Variants in CYSTM1 observed in about 807,000 individuals in gnomAD.
The protein encoded by CYSTM1 is cysteine rich transmembrane module containing 1.
CYSTM1 carries 4 observed loss-of-function variants against 13.1 expected under a neutral mutation model. The ratio of observed to expected loss-of-function variants is 0.31; its 90% CI spans 0.15 to 0.70. The LOEUF (loss-of-function observed/expected upper bound fraction) is 0.70, where lower values mean the gene tolerates loss of function less well. CYSTM1 is among the 30% of genes least tolerant of loss of function. The pLI is 0.72. For missense variants in CYSTM1, 96 were observed against 121.6 expected, an observed-to-expected ratio of 0.79 and a Z score of 0.99; for synonymous variants, 36 against 42.7, an observed-to-expected ratio of 0.84 and a Z score of 0.62.
In CYSTM1 at chr5:140,194,446, G is replaced by A; in HGVS notation, c.-20G>A. 1 of 1,545,734 alleles carries A rather than the reference G, an allele frequency of 6.5e-7. No individual in the cohort carries two copies. Among genetic ancestry groups the A allele is most frequent in the African/African-American group, 1.4e-5 (1 of 71,294 alleles). ...AATTTTCATTCTTTTTGTCTCTTAG[G>A]TGCACTTTACAGGTCCCCGATGAAC... On this transcript the variant is annotated splice_region_variant and 5_prime_UTR_variant, in exon 2 of 3. It adds an upstream start codon to the 5' untranslated region. Transcript: ENST00000261811.
At chr5:140,180,698 G>A (rs754142306) in intron 1 of CYSTM1, among the ~76,000 whole-genome samples, 1 of 152,076 alleles carries the variant, frequency 6.6e-6, no homozygotes, top group Non-Finnish European at 1.5e-5. Flanking sequence ...AACTGGGTAG[G>A]TCCTCACATC....
In CYSTM1 at chr5:140,175,703, A is replaced by C. The variant is rs550620717; in HGVS notation, c.-21+418A>C. On this transcript the variant is annotated intron_variant, in intron 1 of 2. Transcript: ENST00000261811. This position sits in a 1 kb window ranked among gnomAD's most constrained non-coding sequence, Gnocchi z 4.9. ...CTGAGGCGCTGCTCTGCCTATTCCG[A>C]GCTGGGCCAGCCGGGGGCAGGGGGC... 6.6e-6 allele frequency among the ~76,000 whole-genome samples: 1 copy of C among 151,862 alleles called. No homozygotes were observed. Among genetic ancestry groups the C allele is most frequent in the Non-Finnish European group, 1.5e-5 (1 of 67,984 alleles).
Position 140,239,305 on chromosome 5 carries a change from A to C in CYSTM1, c.188-4000A>C, listed in dbSNP as rs1029398609. Among the ~76,000 whole-genome samples, 1 of 152,078 alleles carries C rather than the reference A, an allele frequency of 6.6e-6. No individual in the cohort carries two copies. Among genetic ancestry groups the C allele is most frequent in the Non-Finnish European group, 1.5e-5 (1 of 68,000 alleles). ...GTCATCCCTGCCCTGACCTCTATGG[A>C]AACTGGAGCCCCACTTGCCCATTGC... On this transcript the variant is annotated intron_variant, in intron 2 of 2. Transcript: ENST00000261811. The surrounding 1 kb of genome is among the most constrained non-coding windows in gnomAD (Gnocchi z 5.4).
chr5:140,235,262 C>T (rs1015505575), intron 2 of CYSTM1, among the ~76,000 whole-genome samples: 6 of 151,928 alleles, frequency 3.9e-5, no homozygotes, highest in Admixed American at 3.9e-4. Flanking sequence ...GCCACCAAGC[C>T]CAGCCAGCCT....
At chr5:140,178,440 C>CATTTTTTT (rs1763917981) in intron 1 of CYSTM1, among the ~76,000 whole-genome samples, 1 of 72,386 alleles carries the variant, frequency 1.4e-5, no homozygotes, top group African/African-American at 6.1e-5. Flanking sequence ...TCAAGTCCTT[C>CATTTTTTT]CTTTTTTTTT....
At chr5:140,226,055 G>A (rs1338950310) in intron 2 of CYSTM1, among the ~76,000 whole-genome samples, 3 of 152,198 alleles carry the variant, frequency 2.0e-5, no homozygotes, top group Non-Finnish European at 1.5e-5. Context: ...TTTGGTCAGG[G>A]GAGGGGTCTG....
At chr5:140,189,011 C>T (rs190415343) in intron 1 of CYSTM1, among the ~76,000 whole-genome samples, 1 of 152,150 alleles carries the variant, frequency 6.6e-6, no homozygotes, top group East Asian at 1.9e-4. Flanking sequence ...TGAAGGTTCC[C>T]TTCTATCTTC....
At chr5:140,187,170 ACT>A (rs1764024613) in intron 1 of CYSTM1, among the ~76,000 whole-genome samples, 1 of 72,974 alleles carries the variant, frequency 1.4e-5, no homozygotes, top group African/African-American at 5.2e-5. Context: ...TAATTCTAAA[ACT>A]TTTTTTTTTT....
chr5:140,196,530 G>A (rs761990779), intron 2 of CYSTM1, among the ~76,000 whole-genome samples: 1 of 152,184 alleles, frequency 6.6e-6, no homozygotes, highest in Non-Finnish European at 1.5e-5. Context: ...TACCTTTAAA[G>A]AATTTAATTT....
chr5:140,185,270 G>A (rs968418822), intron 1 of CYSTM1, among the ~76,000 whole-genome samples: 9 of 152,224 alleles, frequency 5.9e-5, no homozygotes, highest in Non-Finnish European at 8.8e-5. Flanking sequence ...CTTGTTCAGC[G>A]AAAGGTCCCA....
intron 2 of CYSTM1, among the ~76,000 whole-genome samples, chr5:140,223,149 G>A (rs1764510192): frequency 6.6e-6 from 1 of 152,192 alleles, no homozygotes; most frequent in South Asian, 2.1e-4. Context: ...AATGGGGTAG[G>A]TCAGGAAGAT....
In CYSTM1 at chr5:140,230,091, C is replaced by T. The variant is rs1481592157; in HGVS notation, c.188-13214C>T. ...TTCACCATGTTGGTCAGTATGGTCTCGAACTCCTGACCTCAGGTGATCCAT... is the reference window on the plus strand; with the variant it reads ...TTCACCATGTTGGTCAGTATGGTCTTGAACTCCTGACCTCAGGTGATCCAT... On this transcript the variant is annotated intron_variant, in intron 2 of 2. Transcript: ENST00000261811. This position sits in a 1 kb window ranked among gnomAD's most constrained non-coding sequence, Gnocchi z 4.1. Among the ~76,000 whole-genome samples, 3 of 152,166 alleles carry T rather than the reference C, an allele frequency of 2.0e-5. No individual in the cohort carries two copies. The highest frequency in any genetic ancestry group is 4.4e-5 in the Non-Finnish European group (3 of 68,022).
intron 2 of CYSTM1, among the ~76,000 whole-genome samples, chr5:140,215,692 A>T (rs1764417337): frequency 6.6e-6 from 1 of 151,890 alleles, no homozygotes; most frequent in Non-Finnish European, 1.5e-5. Context: ...CCCTTTTTGA[A>T]ATTCATCTTG....
At chr5:140,235,502 T>C (rs550343436) in intron 2 of CYSTM1, among the ~76,000 whole-genome samples, 151 of 151,276 alleles carry the variant, frequency 1.0e-3, no homozygotes, top group African/African-American at 3.6e-3. Context: ...GCCTCCTGGA[T>C]TCACGCCATT....
intron 1 of CYSTM1, among the ~76,000 whole-genome samples, chr5:140,178,062 T>G (rs749449776): frequency 6.6e-6 from 1 of 152,210 alleles, no homozygotes; most frequent in Non-Finnish European, 1.5e-5. Flanking sequence ...AAAATGTTAG[T>G]GTGTTTCCCT....
chr5:140,206,772 A>G (rs181159138), intron 2 of CYSTM1, among the ~76,000 whole-genome samples: 30 of 152,252 alleles, frequency 2.0e-4, no homozygotes, highest in Non-Finnish European at 3.8e-4. Flanking sequence ...CTGGGACCAC[A>G]GGCATGTGCC....
At chr5:140,178,353 G>C (rs2126651319) in intron 1 of CYSTM1, among the ~76,000 whole-genome samples, 1 of 151,130 alleles carries the variant, frequency 6.6e-6, no homozygotes, top group East Asian at 2.0e-4. Context: ...TTAATTCTTG[G>C]ATGAATGGTA....
chr5:140,203,411 A>T (rs773076819), intron 2 of CYSTM1, among the ~76,000 whole-genome samples: 20 of 152,192 alleles, frequency 1.3e-4, no homozygotes, highest in Non-Finnish European at 2.8e-4. Context: ...TCAAAGCAAC[A>T]TGAAGTCTAT....
At chr5:140,217,809 G>A (rs1420870918) in intron 2 of CYSTM1, among the ~76,000 whole-genome samples, 1 of 152,166 alleles carries the variant, frequency 6.6e-6, no homozygotes, top group Non-Finnish European at 1.5e-5. Context: ...AGGAGTACAA[G>A]ACAGGTTATT....
Sources: gnomAD v4.1 joint callset for allele counts (sites outside exome capture counted in the v4.1 genomes callset) on GRCh38, gnomAD v4.1.1 for gene constraint, Gnocchi (gnomAD v3.1) non-coding constraint, MANE v1.5 for transcripts, NCBI Gene and HGNC (gene_info 2026-07-23, HGNC 2026-07-21) for gene names.